Variants in FOXK1 observed in about 807,000 individuals in gnomAD.
The protein encoded by FOXK1 is forkhead box K1.
Under a neutral mutation model 51.9 loss-of-function variants are expected in FOXK1, and 19 were observed. The observed-to-expected ratio is 0.37, with a 90% confidence interval of 0.26 to 0.54. The LOEUF (loss-of-function observed/expected upper bound fraction) is 0.54. Among genes scored for constraint, FOXK1 ranks in the 20% least tolerant of loss-of-function variants. The pLI is 0.87. For missense variants in FOXK1, 870 were observed against 1,032.7 expected (o/e 0.84, Z 2.16); for synonymous variants, 537 against 482.6 (o/e 1.11, Z -1.48).
At chr7:4,688,867 C>G (rs1008554030) in intron 1 of FOXK1, among the ~76,000 whole-genome samples, 3 of 152,056 alleles carry the variant, frequency 2.0e-5, no homozygotes, top group Non-Finnish European at 4.4e-5. Flanking sequence ...GAACTGCCTT[C>G]TAGGTGGTGG....
chr7:4,691,665 G>C (rs1429664123), intron 1 of FOXK1, among the ~76,000 whole-genome samples: 1 of 152,112 alleles, frequency 6.6e-6, no homozygotes, highest in Non-Finnish European at 1.5e-5. Flanking sequence ...TGATTAAGAA[G>C]AATCTCGTCT....
intron 6 of FOXK1, 43 bp downstream of exon 6, chr7:4,759,260 A>G (rs756351396): frequency 1.2e-6 from 2 of 1,603,900 alleles, no homozygotes; most frequent in African/African-American, 1.4e-5. Context: ...GCGGGGCGGG[A>G]CTCGTGGGGG....
At chr7:4,706,004 G>T (rs894932123) in intron 1 of FOXK1, among the ~76,000 whole-genome samples, 1 of 97,292 alleles carries the variant, frequency 1.0e-5, no homozygotes, top group Non-Finnish European at 1.8e-5. Flanking sequence ...GTATATATAC[G>T]TATATATACG....
At position 4,751,296 on chromosome 7, in the gene FOXK1, A is replaced by G. The variant is rs574112434; in HGVS notation, c.747-3163A>G. ...GGGTAATCCCAAAAGCATTGGGATT[A>G]CCAATCCCAAAGCACTGGGATTACA... On this transcript the variant is annotated intron_variant, in intron 2 of 8. Coordinates refer to ENST00000328914, the MANE Select transcript of FOXK1 (RefSeq NM_001037165.2). Among the ~76,000 whole-genome samples, 5 of 147,178 alleles carry G rather than the reference A, an allele frequency of 3.4e-5. No individual in the cohort carries two copies. The East Asian group carries it at 1.0e-3, about 31-fold the overall frequency.
At position 4,747,705 on chromosome 7, in the gene FOXK1, C is replaced by T. The variant is rs1780723529; in HGVS notation, c.746+6682C>T. 6.6e-6 allele frequency among the ~76,000 whole-genome samples: 1 copy of T among 151,614 alleles called. No individual in the cohort carries two copies. The highest frequency in any genetic ancestry group is 6.6e-5 in the Admixed American group (1 of 15,226). On this transcript the variant is annotated intron_variant, in intron 2 of 8. Transcript: ENST00000328914. The surrounding 1 kb of genome is among the most constrained non-coding windows in gnomAD (Gnocchi z 9.2). ...CACCCACCACCACACACACCCAGCTCATTTTTTATTTTCGTTGAGATGGTG... is the reference window on the plus strand; with the variant it reads ...CACCCACCACCACACACACCCAGCTTATTTTTTATTTTCGTTGAGATGGTG...
At chr7:4,705,511 TTCTCTTTCTCTCTCTCTCTCTCTC>T (rs1780072433) in intron 1 of FOXK1, among the ~76,000 whole-genome samples, 1 of 108,390 alleles carries the variant, frequency 9.2e-6, no homozygotes, top group Non-Finnish European at 1.8e-5. Context: ...TGTCATTTCC[TTCTCTTTCTCTCTCTCTCTCTCTC>T]TCTCTCTCTC....
At chr7:4,705,493 T>G (rs1270329959) in intron 1 of FOXK1, among the ~76,000 whole-genome samples, 2 of 150,740 alleles carry the variant, frequency 1.3e-5, no homozygotes, top group Non-Finnish European at 2.9e-5. Flanking sequence ...TAAGTGAGAA[T>G]TCTTCTGTGT....
intron 1 of FOXK1, among the ~76,000 whole-genome samples, chr7:4,694,321 T>C (rs1194617215): frequency 6.6e-6 from 1 of 152,222 alleles, no homozygotes; most frequent in African/African-American, 2.4e-5. Context: ...ACTATGCCAC[T>C]TTGGATAAAC....
intron 1 of FOXK1, among the ~76,000 whole-genome samples, chr7:4,726,427 C>G (rs1780382091): frequency 6.6e-6 from 1 of 152,132 alleles, no homozygotes; most frequent in Admixed American, 6.5e-5. Flanking sequence ...CGAGACCAGC[C>G]TGACCAACAT....
In FOXK1 at chr7:4,767,074, G is replaced by C. The variant is rs1274140925; in HGVS notation, c.*4610G>C. The C allele has an allele frequency of 2.0e-5, 3 of 152,194 alleles. No individual in the cohort carries two copies. The highest frequency in any genetic ancestry group is 7.2e-5 in the African/African-American group (3 of 41,452). The allele number at this position is 152,194 out of a possible 1,614,324, so 9.4% of individuals were successfully genotyped here. On this transcript the variant is annotated 3_prime_UTR_variant, in exon 9 of 9. Transcript: ENST00000328914. This position sits in a 1 kb window ranked among gnomAD's most constrained non-coding sequence, Gnocchi z 6.6. ...TCAGAGCCGGCGGGAGTGCAGGTCT[G>C]TTTTGCTTCAGAAGCCTCACATTCT... is the stretch of plus-strand genomic sequence containing the variant.
chr7:4,709,763 T>C lies in FOXK1; in HGVS notation c.560+26895T>C, dbSNP rs1189988795. ...CACAGTGTCATGATAATTCTTGGCG[T>C]TGAGTGACCTCACGATGTGCTGTCC... On this transcript the variant is annotated intron_variant, in intron 1 of 8. Coordinates refer to ENST00000328914, the MANE Select transcript of FOXK1 (RefSeq NM_001037165.2). This position sits in a 1 kb window ranked among gnomAD's most constrained non-coding sequence, Gnocchi z 5.6. Among the ~76,000 whole-genome samples, 1 of 152,240 alleles carries C rather than the reference T, an allele frequency of 6.6e-6. No individual in the cohort carries two copies. Among genetic ancestry groups the C allele is most frequent in the Non-Finnish European group, 1.5e-5 (1 of 68,048 alleles).
chr7:4,761,032 A>G lies in FOXK1; in HGVS notation c.1697-32A>G, dbSNP rs746599430. 18 of 1,586,002 alleles carry G rather than the reference A, an allele frequency of 1.1e-5. No homozygotes were observed. In the South Asian group the frequency reaches 1.9e-4, roughly 17 times the overall value. ...AGGAAATCGATTGTCTCGTTGGCCGAGTGTGGTGCTGACTTGGTTCCTGTC... is the reference window on the plus strand; with the variant it reads ...AGGAAATCGATTGTCTCGTTGGCCGGGTGTGGTGCTGACTTGGTTCCTGTC... On this transcript the variant is annotated intron_variant, in intron 7 of 8. Coordinates refer to ENST00000328914, the MANE Select transcript of FOXK1 (RefSeq NM_001037165.2). This position sits in a 1 kb window ranked among gnomAD's most constrained non-coding sequence, Gnocchi z 6.2.
intron 1 of FOXK1, among the ~76,000 whole-genome samples, chr7:4,684,403 C>T (rs1779793152): frequency 6.6e-6 from 1 of 152,140 alleles, no homozygotes; most frequent in South Asian, 2.1e-4. Context: ...ACAGATATCG[C>T]ATTGAATAAT....
chr7:4,770,914 T>C lies in FOXK1; in HGVS notation c.*8450T>C, dbSNP rs1781091591. The C allele has an allele frequency of 6.7e-6, 1 of 150,218 alleles. No homozygotes were observed. Among genetic ancestry groups the C allele is most frequent in the Non-Finnish European group, 1.5e-5 (1 of 67,926 alleles). 9.3% of individuals were successfully genotyped at this position (150,218 alleles called of 1,614,324 possible). On this transcript the variant is annotated 3_prime_UTR_variant, in exon 9 of 9. Coordinates refer to ENST00000328914, the MANE Select transcript of FOXK1 (RefSeq NM_001037165.2). ...GTGTGTGTGTGTGTATTTTTTTTTT[T>C]ACAGTGGCGCCTGTCTAAAGTATTT...
rs1408136940 is a variant in FOXK1, at chr7:4,722,908, T to G, written c.561-17930T>G. The stretch of plus-strand genomic sequence containing the variant: ...GGTGAGGTGCCTGTGGGCAGAGCTG[T>G]TGATGGAAGAGGGTGTGGTCAGAGG... On this transcript the variant is annotated intron_variant, in intron 1 of 8. Coordinates refer to ENST00000328914, the MANE Select transcript of FOXK1 (RefSeq NM_001037165.2). The surrounding 1 kb of genome is among the most constrained non-coding windows in gnomAD (Gnocchi z 5.1). 6.6e-6 allele frequency among the ~76,000 whole-genome samples: 1 copy of G among 151,936 alleles called. No individual in the cohort carries two copies. Among genetic ancestry groups the G allele is most frequent in the Non-Finnish European group, 1.5e-5 (1 of 67,980 alleles).
At chr7:4,736,393 A>G (rs914213005) in intron 1 of FOXK1, among the ~76,000 whole-genome samples, 4 of 150,846 alleles carry the variant, frequency 2.7e-5, no homozygotes, top group Admixed American at 1.3e-4. Flanking sequence ...ACATATGTAC[A>G]TATCATCTAG....
intron 2 of FOXK1, among the ~76,000 whole-genome samples, chr7:4,750,194 G>A (rs937986045): frequency 1.3e-5 from 2 of 152,216 alleles, no homozygotes. Flanking sequence ...CAATCGGGGG[G>A]CACAGGCGTT....
At chr7:4,689,370 G>A (rs1422580210) in intron 1 of FOXK1, among the ~76,000 whole-genome samples, 1 of 152,160 alleles carries the variant, frequency 6.6e-6, no homozygotes, top group Non-Finnish European at 1.5e-5. Context: ...ATTGTGAGTG[G>A]CAGGTGTTAT....
At chr7:4,692,147 C>G (rs1026007965) in intron 1 of FOXK1, among the ~76,000 whole-genome samples, 1 of 152,006 alleles carries the variant, frequency 6.6e-6, no homozygotes, top group African/African-American at 2.4e-5. Flanking sequence ...ACTATATACC[C>G]CCACCCCAAG....
Sources: gnomAD v4.1 joint callset for allele counts (sites outside exome capture counted in the v4.1 genomes callset) on GRCh38, gnomAD v4.1.1 for gene constraint, Gnocchi (gnomAD v3.1) non-coding constraint, MANE v1.5 for transcripts, NCBI Gene and HGNC (gene_info 2026-07-23, HGNC 2026-07-21) for gene names.